Variants in SPIDR observed in about 807,000 individuals in gnomAD.
SPIDR encodes scaffold protein involved in DNA repair.
SPIDR carries 93 observed loss-of-function variants against 104.6 expected under a neutral mutation model. That is an observed-to-expected ratio of 0.89 (90% CI 0.75 to 1.06). The LOEUF is 1.06. Among genes scored for constraint, SPIDR ranks in the 50% least tolerant of loss-of-function variants. SPIDR has a pLI of 0.00. For missense variants in SPIDR, 1,154 were observed against 1,111.2 expected (o/e 1.04, Z -0.55); for synonymous variants, 431 against 416.9 (o/e 1.03, Z -0.41).
In SPIDR at chr8:47,416,603, G is replaced by A. The variant is rs116770875; in HGVS notation, c.877+8642G>A. Among the ~76,000 whole-genome samples the A allele has an allele frequency of 4.7e-3, 720 of 152,152 alleles. 5 individuals are homozygous for A. The highest frequency in any genetic ancestry group is 0.016 in the African/African-American group (683 of 41,492). ...TTTTGTTTCATTAAAAAAGGCATAA[G>A]AATACCAAATATTTCAATGAATTCT... On this transcript the variant is annotated intron_variant, in intron 7 of 19. Transcript: ENST00000297423.
chr8:47,466,173 C>G (rs2074741116), intron 8 of SPIDR, among the ~76,000 whole-genome samples: 1 of 152,118 alleles, frequency 6.6e-6, no homozygotes, highest in South Asian at 2.1e-4. Context: ...GTCAGATGGA[C>G]CTGATAAACA....
intron 6 of SPIDR, 119 bp downstream of exon 6, chr8:47,396,745 T>G (rs1255697690): frequency 2.8e-6 from 3 of 1,062,422 alleles, no homozygotes; most frequent in Non-Finnish European, 4.1e-6. Context: ...TGGAGCTGAT[T>G]AATGGAATGT....
At chr8:47,358,215 A>G (rs2054959484) in intron 5 of SPIDR, among the ~76,000 whole-genome samples, 1 of 151,876 alleles carries the variant, frequency 6.6e-6, no homozygotes, top group African/African-American at 2.4e-5. Flanking sequence ...CCTCCTGATT[A>G]GCTGGGACTA....
Position 47,729,122 on chromosome 8 carries a change from G to A in SPIDR, c.2550+75G>A, listed in dbSNP as rs113894991. ...GCGAAGGTGAGACAGAGCTGAAGCA[G>A]GTGCACGTCCTCCTGTACGCCTGCA... On this transcript the variant is annotated intron_variant, in intron 18 of 19. Coordinates refer to ENST00000297423, the MANE Select transcript of SPIDR (RefSeq NM_001080394.4). 17 of 1,573,242 alleles carry A rather than the reference G, an allele frequency of 1.1e-5. No homozygotes were observed. In the African/African-American group the frequency reaches 1.8e-4, roughly 16 times the overall value.
rs1424542781 is a variant in SPIDR, at chr8:47,392,829, G to A, written c.526-3547G>A. Among the ~76,000 whole-genome samples, 2 of 152,174 alleles carry A rather than the reference G, an allele frequency of 1.3e-5. 1 individual carries two copies. The highest frequency in any genetic ancestry group is 1.3e-4 in the Admixed American group (2 of 15,284). On this transcript the variant is annotated intron_variant, in intron 5 of 19. Coordinates refer to ENST00000297423, the MANE Select transcript of SPIDR (RefSeq NM_001080394.4). Reference sequence around the variant, plus strand: ...TCTAAAACAAATTATCAGGTCTGCTGTTTTCATTTTATCTTCCGTTTATTC... The same window carrying A: ...TCTAAAACAAATTATCAGGTCTGCTATTTTCATTTTATCTTCCGTTTATTC...
chr8:47,522,599 G>A (rs554560999), intron 8 of SPIDR, among the ~76,000 whole-genome samples: 1 of 152,124 alleles, frequency 6.6e-6, no homozygotes, highest in African/African-American at 2.4e-5. Flanking sequence ...GTTGGTTAGG[G>A]TTCAAATGTG....
chr8:47,393,032 T>G (rs1554653470), intron 5 of SPIDR, among the ~76,000 whole-genome samples: 1 of 152,168 alleles, frequency 6.6e-6, no homozygotes. Context: ...TTTCCATAGA[T>G]AGTCTTCTCC....
In SPIDR at chr8:47,595,973, T is replaced by G. The variant is rs184578522; in HGVS notation, c.1260T>G (p.Ile420Met). ...RSISLAQMFVIKGLTNNSPEI... is the reference protein window; with the variant it reads ...RSISLAQMFVMKGLTNNSPEI... ...TCTCTTTGGCCCAGATGTTTGTAATTAAGGGTCTAACAAATAATTCACCTG... is the reference window on the plus strand; with the variant it reads ...TCTCTTTGGCCCAGATGTTTGTAATGAAGGGTCTAACAAATAATTCACCTG... Residue 420 changes from isoleucine (I) to methionine (M), a missense_variant, in exon 9 of 20, where the codon ATT becomes ATG. Coordinates refer to ENST00000297423, the MANE Select transcript of SPIDR (RefSeq NM_001080394.4). 1.2e-6 allele frequency: 2 copies of G among 1,613,514 alleles called. No homozygotes were observed. The highest frequency in any genetic ancestry group is 1.7e-5 in the Admixed American group (1 of 59,798).
At chr8:47,518,213 A>T (rs975296100) in intron 8 of SPIDR, among the ~76,000 whole-genome samples, 1 of 152,224 alleles carries the variant, frequency 6.6e-6, no homozygotes, top group Non-Finnish European at 1.5e-5. Context: ...CTTTCACCTC[A>T]TGCTAGACAT....
chr8:47,734,787 C>T (rs1327604946), intron 19 of SPIDR, among the ~76,000 whole-genome samples: 1 of 152,032 alleles, frequency 6.6e-6, no homozygotes, highest in African/African-American at 2.4e-5. Flanking sequence ...CTGGGACTAA[C>T]CAAAAAGAAT....
At chr8:47,512,541 G>T (rs2082501162) in intron 8 of SPIDR, among the ~76,000 whole-genome samples, 2 of 152,174 alleles carry the variant, frequency 1.3e-5, no homozygotes, top group African/African-American at 4.8e-5. Flanking sequence ...ATGATTTAGT[G>T]CAGGCCTCAG....
In SPIDR at chr8:47,376,327, C is replaced by T. The variant is rs146607189; in HGVS notation, c.526-20049C>T. Among the ~76,000 whole-genome samples, 8 of 152,206 alleles carry T rather than the reference C, an allele frequency of 5.3e-5. No homozygotes were observed. The East Asian group carries it at 1.3e-3, about 26-fold the overall frequency. On this transcript the variant is annotated intron_variant, in intron 5 of 19. Transcript: ENST00000297423. ...CCAGTGTGGAAGGAACTGAATCACA[C>T]CCCAAGCAGGTGTGATTGGAAGAGG...
At chr8:47,473,839 T>C (rs2075995627) in intron 8 of SPIDR, among the ~76,000 whole-genome samples, 1 of 152,190 alleles carries the variant, frequency 6.6e-6, no homozygotes, top group South Asian at 2.1e-4. Flanking sequence ...ATTTGTATGC[T>C]AGTATTTGCA....
At chr8:47,341,523 T>G (rs1563675071) in intron 5 of SPIDR, among the ~76,000 whole-genome samples, 1 of 152,252 alleles carries the variant, frequency 6.6e-6, no homozygotes, top group Non-Finnish European at 1.5e-5. Context: ...TAGTAAATAC[T>G]AAATTCCATT....
rs375795760 is a variant in SPIDR, at chr8:47,585,673, G to T, written c.1098-10138G>T. The stretch of plus-strand genomic sequence containing the variant: ...TTCTTACACTTATGGAGGTCGAGGG[G>T]TTGCATCTGGTGAGGGCCTTCTTGC... On this transcript the variant is annotated intron_variant, in intron 8 of 19. Transcript: ENST00000297423. Among the ~76,000 whole-genome samples the T allele has an allele frequency of 3.8e-3, 572 of 152,262 alleles. 3 individuals are homozygous for T. Among genetic ancestry groups the T allele is most frequent in the South Asian group, 0.022 (108 of 4,826 alleles).
intron 11 of SPIDR, among the ~76,000 whole-genome samples, chr8:47,687,996 C>A (rs2078039497): frequency 7.3e-6 from 1 of 137,312 alleles, no homozygotes; most frequent in South Asian, 2.3e-4. Flanking sequence ...CAGATTGAGA[C>A]CTGGCTGTCA....
intron 5 of SPIDR, among the ~76,000 whole-genome samples, chr8:47,333,366 A>G (rs1405385199): frequency 1.3e-5 from 2 of 152,210 alleles, no homozygotes; most frequent in Middle Eastern, 3.4e-3. Context: ...CAGTGGTGCA[A>G]TCTTGGCTCA....
At chr8:47,466,900 A>AATATAT (rs1554717438) in intron 8 of SPIDR, among the ~76,000 whole-genome samples, 41 of 114,336 alleles carry the variant, frequency 3.6e-4, no homozygotes, top group African/African-American at 9.7e-4. Flanking sequence ...AAAAAAAAAA[A>AATATAT]ATATATATAT....
At chr8:47,697,847 T>G (rs1418648595) in intron 11 of SPIDR, 1 of 152,336 alleles carries the variant, frequency 6.6e-6, no homozygotes, top group Non-Finnish European at 1.5e-5. Flanking sequence ...GTAGCTGACT[T>G]GACCTCCCCC....
Sources: allele counts gnomAD v4.1 joint callset (sites outside exome capture counted in the v4.1 genomes callset), GRCh38; gene constraint gnomAD v4.1.1; transcripts MANE v1.5; gene names NCBI Gene and HGNC (gene_info 2026-07-23, HGNC 2026-07-21).